Variants in AMD1 observed in about 807,000 individuals in gnomAD.
AMD1 encodes adenosylmethionine decarboxylase 1.
AMD1 carries 11 observed loss-of-function variants against 40.2 expected under a neutral mutation model. That is an observed-to-expected ratio of 0.27 (90% CI 0.17 to 0.45). AMD1 has a LOEUF of 0.45. AMD1 is among the 20% of genes least tolerant of loss of function. The pLI is 1.00. For missense variants in AMD1, 257 were observed against 410.2 expected, an observed-to-expected ratio of 0.63 and a Z score of 3.23; for synonymous variants, 121 against 130.8, an observed-to-expected ratio of 0.93 and a Z score of 0.51.
At chr6:110,889,565 T>A (rs1242895107) in intron 3 of AMD1, 1 of 152,392 alleles carries the variant, frequency 6.6e-6, no homozygotes, top group Non-Finnish European at 1.5e-5. Flanking sequence ...TGCCTCAGCC[T>A]CCCAAGTAGC....
upstream of AMD1, among the ~76,000 whole-genome samples, chr6:110,871,041 A>G (rs759339483): frequency 6.6e-6 from 1 of 152,200 alleles, no homozygotes; most frequent in African/African-American, 2.4e-5. Flanking sequence ...AGCATTTCAG[A>G]TAAATGAAAA....
Position 110,895,688 on chromosome 6 carries a change from TTTAA to T in AMD1, c.*2075_*2078del, listed in dbSNP as rs1481741430. 1 of 152,632 alleles carries T rather than the reference TTTAA, an allele frequency of 6.6e-6. No homozygotes were observed. The allele number at this position is 152,632 out of a possible 1,614,324, so 9.5% of individuals were successfully genotyped here. On this transcript the variant is annotated 3_prime_UTR_variant, in exon 9 of 9. Transcript: ENST00000368885. ...ACCACAATTTACGCTTCAATAAAAG[TTTAA>T]TTGTCTAGTGACATTCAGAAACTTT...
At chr6:110,858,562 C>T in the AMD1 span, 1 of 1,600,764 alleles carries the variant, frequency 6.2e-7, no homozygotes, top group South Asian at 1.1e-5. Flanking sequence ...TGTTCGATGC[C>T]AACGACCTGT....
the AMD1 span, among the ~76,000 whole-genome samples, chr6:110,839,557 G>A: frequency 2.6e-5 from 4 of 152,180 alleles, no homozygotes; most frequent in Non-Finnish European, 5.9e-5. Flanking sequence ...GGAGGCAGAG[G>A]TTGCAGTCAG....
At chr6:110,834,267 A>C in the AMD1 span, among the ~76,000 whole-genome samples, 5 of 152,120 alleles carry the variant, frequency 3.3e-5, no homozygotes, top group African/African-American at 4.8e-5. Flanking sequence ...TGTGCCCCGG[A>C]GTCCCAGGCT....
the AMD1 span, among the ~76,000 whole-genome samples, chr6:110,869,466 A>G: frequency 6.7e-6 from 1 of 149,356 alleles, no homozygotes; most frequent in Non-Finnish European, 1.5e-5. Flanking sequence ...TGTATTTTGC[A>G]GTAACAGTAC....
chr6:110,814,879 A>C, the AMD1 span: 2 of 1,260,552 alleles, frequency 1.6e-6, no homozygotes, highest in Non-Finnish European at 2.2e-6. Flanking sequence ...CGGTGTCCGG[A>C]CGCAACCCCG....
At chr6:110,850,169 A>T in the AMD1 span, among the ~76,000 whole-genome samples, 1 of 151,910 alleles carries the variant, frequency 6.6e-6, no homozygotes, top group African/African-American at 2.4e-5. Context: ...AAATTAAACT[A>T]AAAAAAAGAA....
At chr6:110,857,779 T>C in the AMD1 span, among the ~76,000 whole-genome samples, 1 of 148,022 alleles carries the variant, frequency 6.8e-6, no homozygotes, top group Non-Finnish European at 1.5e-5. Context: ...TGTATATATA[T>C]ATATATAGAT....
chr6:110,836,946 G>C, the AMD1 span, among the ~76,000 whole-genome samples: 1 of 151,978 alleles, frequency 6.6e-6, no homozygotes, highest in Admixed American at 6.6e-5. Flanking sequence ...TGGAGGTCAA[G>C]AGTTCGAGAC....
chr6:110,840,751 G>C, the AMD1 span, among the ~76,000 whole-genome samples: 22 of 151,818 alleles, frequency 1.4e-4, no homozygotes, highest in Admixed American at 1.4e-3. Flanking sequence ...GAAAGGGTTG[G>C]GGGGGTGGGG....
chr6:110,871,962 C>T (rs961344905), upstream of AMD1, among the ~76,000 whole-genome samples: 3 of 152,064 alleles, frequency 2.0e-5, no homozygotes, highest in African/African-American at 7.2e-5. Flanking sequence ...AGAAAATTTC[C>T]AAGGAAAACC....
chr6:110,841,657 CGT>C, the AMD1 span, among the ~76,000 whole-genome samples: 1 of 150,648 alleles, frequency 6.6e-6, no homozygotes. Flanking sequence ...GGACAAGCTG[CGT>C]AAGGGATAAA....
the AMD1 span, chr6:110,856,366 C>A: frequency 6.6e-6 from 1 of 152,206 alleles, no homozygotes; most frequent in Non-Finnish European, 1.5e-5. Context: ...GAGCTAGTTA[C>A]TCAAAGTCGA....
At chr6:110,861,494 A>C in the AMD1 span, among the ~76,000 whole-genome samples, 1 of 151,928 alleles carries the variant, frequency 6.6e-6, no homozygotes, top group African/African-American at 2.4e-5. Flanking sequence ...ACTGCACTCC[A>C]GCCTGGGCAA....
intron 4 of AMD1, chr6:110,891,944 T>C (rs1419918653): frequency 1.7e-6 from 1 of 588,772 alleles, no homozygotes; most frequent in East Asian, 2.9e-5. Context: ...GGTTTCATCA[T>C]GTTGGCCAGG....
Position 110,875,228 on chromosome 6 carries a change from G to A in AMD1, c.110+13G>A, listed in dbSNP as rs751998776. ...GCACTATCCCAAGGTGGGTCCCCGG[G>A]GCGCTCGCTGACATCCGGGCCTGGG... On this transcript the variant is annotated intron_variant, in intron 1 of 8. Coordinates refer to ENST00000368885, the MANE Select transcript of AMD1 (RefSeq NM_001634.6). 1.3e-6 allele frequency: 2 copies of A among 1,587,296 alleles called. No homozygotes were observed. The highest frequency in any genetic ancestry group is 2.3e-5 in the South Asian group (2 of 87,934).
chr6:110,842,695 C>T, the AMD1 span, among the ~76,000 whole-genome samples: 2 of 152,160 alleles, frequency 1.3e-5, no homozygotes, highest in African/African-American at 4.8e-5. Context: ...TGGTCCCAAA[C>T]ACTTTATGAT....
the AMD1 span, among the ~76,000 whole-genome samples, chr6:110,820,290 G>A: frequency 2.0e-5 from 3 of 149,796 alleles, no homozygotes; most frequent in East Asian, 2.0e-4. Context: ...AGGCTGGAGC[G>A]CAATGGTGCG....
Sources: allele counts gnomAD v4.1 joint callset (sites outside exome capture counted in the v4.1 genomes callset), GRCh38; gene constraint gnomAD v4.1.1; transcripts MANE v1.5; gene names NCBI Gene and HGNC (gene_info 2026-07-23, HGNC 2026-07-21).